NOVA1: variants seen among roughly 807,000 people sequenced by gnomAD.
NOVA1 encodes RNA-binding protein Nova-1.
A neutral mutation model predicts 38.0 loss-of-function variants in NOVA1; 7 were observed. The observed-to-expected ratio is 0.18, with a 90% confidence interval of 0.10 to 0.35. The LOEUF (loss-of-function observed/expected upper bound fraction) is 0.35. NOVA1 is among the 10% of genes least tolerant of loss of function. The pLI is 1.00. For missense variants in NOVA1, 460 were observed against 616.0 expected (o/e 0.75, Z 2.68); for synonymous variants, 270 against 232.5 (o/e 1.16, Z -1.47).
chr14:26,587,107 G>C (rs1401210302), intron 2 of NOVA1, among the ~76,000 whole-genome samples: 1 of 150,810 alleles, frequency 6.6e-6, no homozygotes, highest in African/African-American at 2.4e-5. Context: ...ACTGGCATTA[G>C]AGAAACCTTA....
intron 4 of NOVA1, among the ~76,000 whole-genome samples, chr14:26,450,758 C>A (rs1461927922): frequency 5.9e-5 from 9 of 152,054 alleles, no homozygotes; most frequent in African/African-American, 2.2e-4. Flanking sequence ...AGATGAATTA[C>A]AATCATCTTT....
intron 2 of NOVA1, among the ~76,000 whole-genome samples, chr14:26,561,193 G>T (rs1467863015): frequency 6.6e-6 from 1 of 152,206 alleles, no homozygotes; most frequent in African/African-American, 2.4e-5. Flanking sequence ...ACCTCCTGCT[G>T]TGTGGCCCAG....
At position 26,495,050 on chromosome 14, in the gene NOVA1, C is replaced by T. The variant is rs182531948; in HGVS notation, c.281-14907G>A. ...ACTCTTTCTCTCTTTTTCTTCACTC[C>T]AGGGAGTTAGGTCTTTTTTAGTTCC... On this transcript the variant is annotated intron_variant, in intron 2 of 4. Transcript: ENST00000539517. Among the ~76,000 whole-genome samples, 721 of 152,214 alleles carry T rather than the reference C, an allele frequency of 4.7e-3. 3 individuals are homozygous for T. The highest frequency in any genetic ancestry group is 6.6e-3 in the South Asian group (32 of 4,828).
At chr14:26,511,330 T>C (rs989643762) in intron 2 of NOVA1, among the ~76,000 whole-genome samples, 1 of 152,098 alleles carries the variant, frequency 6.6e-6, no homozygotes, top group Non-Finnish European at 1.5e-5. Flanking sequence ...AGAGAAAAAA[T>C]ACCTATTTGA....
intron 2 of NOVA1, among the ~76,000 whole-genome samples, chr14:26,554,836 C>T (rs951338356): frequency 3.9e-5 from 6 of 152,110 alleles, no homozygotes; most frequent in African/African-American, 1.4e-4. Context: ...TAGGAACAAC[C>T]AGCAATTACC....
At chr14:26,450,764 T>C (rs1882601311) in intron 4 of NOVA1, among the ~76,000 whole-genome samples, 1 of 152,170 alleles carries the variant, frequency 6.6e-6, no homozygotes, top group Admixed American at 6.5e-5. Flanking sequence ...ATTACAATCA[T>C]CTTTATTTTT....
rs1398854254 is a variant in NOVA1 at position 26,575,072 on chromosome 14, T to C, written c.280+20338A>G. ...AAACACGTACTACTGTTTAGGAGTTTTGACATCAATATAGGTTTTAACATG... is the reference window on the plus strand; with the variant it reads ...AAACACGTACTACTGTTTAGGAGTTCTGACATCAATATAGGTTTTAACATG... On this transcript the variant is annotated intron_variant, in intron 2 of 4. Coordinates refer to ENST00000539517, the MANE Select transcript of NOVA1 (RefSeq NM_002515.3). Among the ~76,000 whole-genome samples, 4 of 152,224 alleles carry C rather than the reference T, an allele frequency of 2.6e-5. No individual in the cohort carries two copies. In the East Asian group the frequency reaches 7.7e-4, roughly 29 times the overall value.
intron 2 of NOVA1, among the ~76,000 whole-genome samples, chr14:26,493,679 G>C (rs955780059): frequency 6.6e-6 from 1 of 152,158 alleles, no homozygotes; most frequent in Non-Finnish European, 1.5e-5. Context: ...ATCCAAGTGA[G>C]GACAGATGAC....
intron 2 of NOVA1, among the ~76,000 whole-genome samples, chr14:26,487,361 C>T (rs538362473): frequency 2.6e-5 from 4 of 152,102 alleles, no homozygotes; most frequent in Non-Finnish European, 4.4e-5. Flanking sequence ...TTTTAAGTGA[C>T]TTTTAACAGT....
At chr14:26,520,771 T>C (rs1300598265) in intron 2 of NOVA1, among the ~76,000 whole-genome samples, 1 of 152,120 alleles carries the variant, frequency 6.6e-6, no homozygotes, top group South Asian at 2.1e-4. Context: ...CTGAATTTAA[T>C]GGAATGAGAC....
At chr14:26,566,621 G>A (rs888158755) in intron 2 of NOVA1, among the ~76,000 whole-genome samples, 19 of 151,878 alleles carry the variant, frequency 1.3e-4, no homozygotes, top group African/African-American at 4.4e-4. Flanking sequence ...CTAATAAGGC[G>A]ATAAATCCCA....
At chr14:26,498,357 T>G (rs1011878216) in intron 2 of NOVA1, among the ~76,000 whole-genome samples, 11 of 152,020 alleles carry the variant, frequency 7.2e-5, no homozygotes, top group Admixed American at 2.0e-4. Context: ...TGAGCCACCG[T>G]GCCTGGCTGT....
At chr14:26,488,701 T>C (rs531522973) in intron 2 of NOVA1, among the ~76,000 whole-genome samples, 1 of 152,266 alleles carries the variant, frequency 6.6e-6, no homozygotes, top group East Asian at 1.9e-4. Flanking sequence ...TACAGAAATA[T>C]AAAACTGCCA....
In NOVA1 at chr14:26,595,530, C is replaced by A. The variant is rs1894134271; in HGVS notation, c.160G>T (p.Val54Phe). 6.2e-7 allele frequency: 1 copy of A among 1,613,186 alleles called. No homozygotes were observed. Among genetic ancestry groups the A allele is most frequent in the African/African-American group, 1.3e-5 (1 of 74,838 alleles). Reference sequence around the variant, plus strand: ...CCAGCAGCATAACTAGGTATGAGAACCTTTAGAAAATACTGGCCGTCTTCT... The same window carrying A: ...CCAGCAGCATAACTAGGTATGAGAAACTTTAGAAAATACTGGCCGTCTTCT... ...TGEDGQYFLK[V>F]LIPSYAAGSI... is the part of the protein sequence containing the mutation. Residue 54 changes from valine to phenylalanine, a missense_variant, in exon 2 of 5, where the codon GTT becomes TTT. Coordinates refer to ENST00000539517, the MANE Select transcript of NOVA1 (RefSeq NM_002515.3).
Position 26,472,310 on chromosome 14 carries a change from G to A in NOVA1, c.519+10C>T. ...AAAAGTATGGTGTAGATGACAGGAT[G>A]ATACTGTACCTGATTAGCTCTGGAG... On this transcript the variant is annotated intron_variant, in intron 4 of 4. Transcript: ENST00000539517. 2.6e-6 allele frequency: 4 copies of A among 1,545,144 alleles called. No individual in the cohort carries two copies. The highest frequency in any genetic ancestry group is 3.6e-6 in the Non-Finnish European group (4 of 1,119,142).
rs530035040 is a variant in NOVA1 at position 26,562,759 on chromosome 14, A to G, written c.280+32651T>C. Among the ~76,000 whole-genome samples, 8 of 152,274 alleles carry G rather than the reference A, an allele frequency of 5.3e-5. No individual in the cohort carries two copies. In the East Asian group the frequency reaches 1.5e-3, roughly 29 times the overall value. ...GGGAACTCTAAAAATCTATATACAG[A>G]ACATTTTGGCACATAGGTTTACTAC... On this transcript the variant is annotated intron_variant, in intron 2 of 4. Transcript: ENST00000539517.
intron 2 of NOVA1, among the ~76,000 whole-genome samples, chr14:26,555,567 C>T (rs75173346): frequency 0.048 from 7,361 of 152,098 alleles, 544 homozygotes; most frequent in African/African-American, 0.16. Flanking sequence ...TAAATTTATA[C>T]GTTTTTTCTA....
At chr14:26,524,795 C>T (rs1889182524) in intron 2 of NOVA1, among the ~76,000 whole-genome samples, 1 of 152,148 alleles carries the variant, frequency 6.6e-6, no homozygotes, top group Non-Finnish European at 1.5e-5. Context: ...CTCAAGTAAT[C>T]ACTTCATAAA....
At chr14:26,453,131 T>C (rs1282395265) in intron 4 of NOVA1, among the ~76,000 whole-genome samples, 1 of 152,198 alleles carries the variant, frequency 6.6e-6, no homozygotes, top group African/African-American at 2.4e-5. Context: ...GTTTCAAATC[T>C]AAACCCATTT....
Sources: gnomAD v4.1 joint callset for allele counts (sites outside exome capture counted in the v4.1 genomes callset) on GRCh38, gnomAD v4.1.1 for gene constraint, MANE v1.5 for transcripts, NCBI Gene and HGNC (gene_info 2026-07-23, HGNC 2026-07-21) for gene names.